Variants in SH2B2 observed in about 807,000 individuals in gnomAD.
The protein encoded by SH2B2 is SH2B adapter protein 2.
In SH2B2, 37 loss-of-function variants were observed where a neutral mutation model predicts 35.7. The observed-to-expected ratio is 1.04, with a 90% confidence interval of 0.80 to 1.36. The LOEUF is 1.36. Among genes scored for constraint, SH2B2 ranks in the 40% most tolerant of loss-of-function variants. SH2B2 has a pLI of 0.00. For missense variants in SH2B2, 852 were observed against 817.7 expected, an observed-to-expected ratio of 1.04 and a Z score of -0.51; for synonymous variants, 383 against 376.4, an observed-to-expected ratio of 1.02 and a Z score of -0.20.
intron 2 of SH2B2, among the ~76,000 whole-genome samples, chr7:102,302,234 C>A (rs956492961): frequency 8.5e-5 from 13 of 152,208 alleles, no homozygotes; most frequent in Admixed American, 7.2e-4. Context: ...GGGTGCCTGG[C>A]ACCTCCCAGA....
intron 2 of SH2B2, among the ~76,000 whole-genome samples, chr7:102,302,054 C>G (rs555956834): frequency 4.6e-5 from 7 of 152,350 alleles, no homozygotes; most frequent in Non-Finnish European, 8.8e-5. Flanking sequence ...AAGACGGGAT[C>G]TGACTATGTT....
At chr7:102,299,866 G>C (rs1430014427) in intron 1 of SH2B2, among the ~76,000 whole-genome samples, 4 of 152,204 alleles carry the variant, frequency 2.6e-5, no homozygotes, top group Non-Finnish European at 4.4e-5. Flanking sequence ...ACTATTTGGG[G>C]AGAGAATGAA....
intron 3 of SH2B2, among the ~76,000 whole-genome samples, chr7:102,308,581 A>G (rs1766062817): frequency 6.6e-6 from 1 of 152,208 alleles, no homozygotes; most frequent in African/African-American, 2.4e-5. Context: ...GGGGTGGGAC[A>G]TATCCCCAGT....
At chr7:102,285,369 T>G, upstream of SH2B2, 6 of 755,960 alleles carry the variant, frequency 7.9e-6, no homozygotes, top group African/African-American at 1.7e-5. Flanking sequence ...CTCCTCCCCC[T>G]TCCCGGCCTC....
chr7:102,303,238 T>G (rs1793264590), intron 2 of SH2B2, among the ~76,000 whole-genome samples: 1 of 149,242 alleles, frequency 6.7e-6, no homozygotes, highest in Non-Finnish European at 1.5e-5. Flanking sequence ...AAAAATCCGA[T>G]CTAATGATAC....
chr7:102,290,239 C>G (rs540322800), intron 1 of SH2B2, among the ~76,000 whole-genome samples: 21 of 52,380 alleles, frequency 4.0e-4, no homozygotes, highest in African/African-American at 1.6e-3. Flanking sequence ...CTCCATACCC[C>G]CCTTTTTTTT....
rs782191975 is a variant in SH2B2, at chr7:102,317,263, ACT to A, written c.1264_1265del (p.Leu422ValfsTer26). 2.5e-6 allele frequency: 4 copies of A among 1,613,668 alleles called. No individual in the cohort carries two copies. The highest frequency in any genetic ancestry group is 3.4e-6 in the Non-Finnish European group (4 of 1,179,728). On this transcript the variant is annotated frameshift_variant, in exon 7 of 9. Transcript: ENST00000444095. LOFTEE classifies it high-confidence loss of function. ...CCGACTACCCATGGTTCCACGGGAC[ACT>A]GTCCCGGGTCAAGGCTGCTCAACTG... Reference protein sequence around the residue: ...LSDYPWFHGTLSRVKAAQLVL... With the variant: ...LSDYPWFHGTXSRVKAAQLVL...
At chr7:102,316,064 G>C (rs1793818271) in intron 6 of SH2B2, among the ~76,000 whole-genome samples, 1 of 151,912 alleles carries the variant, frequency 6.6e-6, no homozygotes. Context: ...AGGATCGTTT[G>C]AGCCCAGGAC....
intron 7 of SH2B2, 68 bp downstream of exon 7, chr7:102,317,463 CGG>C: frequency 7.3e-7 from 1 of 1,375,466 alleles, no homozygotes; most frequent in Non-Finnish European, 9.7e-7. Context: ...ATGGTGACCC[CGG>C]TCCTGAGGCT....
intron 1 of SH2B2, among the ~76,000 whole-genome samples, chr7:102,291,074 T>C (rs562852578): frequency 6.6e-6 from 1 of 152,328 alleles, no homozygotes; most frequent in East Asian, 1.9e-4. Flanking sequence ...TCTCAGACTT[T>C]TAACACTGTC....
chr7:102,321,268 C>T, intron 8 of SH2B2, 31 bp from the exon 9 acceptor site: 5 of 1,347,906 alleles, frequency 3.7e-6, no homozygotes, highest in Non-Finnish European at 3.8e-6. Flanking sequence ...GCCCAGGTCC[C>T]CACTCACGCC....
chr7:102,311,864 G>A (rs538971460), intron 4 of SH2B2, among the ~76,000 whole-genome samples: 22 of 151,686 alleles, frequency 1.5e-4, no homozygotes, highest in African/African-American at 5.1e-4. Flanking sequence ...ATCACCTGAG[G>A]TCAGGAGTTC....
Position 102,301,064 on chromosome 7 carries a change from C to T in SH2B2, c.514C>T (p.Arg172Cys). 1 of 1,383,014 alleles carries T rather than the reference C, an allele frequency of 7.2e-7. No homozygotes were observed. 85.7% of individuals were successfully genotyped at this position (1,383,014 alleles called of 1,614,324 possible). Residue 172 changes from arginine (R) to cysteine (C), a missense_variant, in exon 2 of 9, where the codon CGC becomes TGC. By Grantham distance (180) the Arg-to-Cys change is radical. This residue lies in a region of SH2B2 where 294 missense variants were observed against 286.6 expected (regional missense o/e 1.03). Coordinates refer to ENST00000444095, the MANE Select transcript of SH2B2 (RefSeq NM_001359228.2). ...AAAAPRTAEPRDKWTRRLRLS... is the reference protein window; with the variant it reads ...AAAAPRTAEPCDKWTRRLRLS... Reference sequence around the variant, plus strand: ...AGCTGCCCCGCGCACCGCCGAGCCCCGCGACAAGTGGACGCGGCGCCTGAG... The same window carrying T: ...AGCTGCCCCGCGCACCGCCGAGCCCTGCGACAAGTGGACGCGGCGCCTGAG...
intron 6 of SH2B2, chr7:102,316,986 C>T: frequency 2.0e-6 from 1 of 505,778 alleles, no homozygotes; most frequent in Non-Finnish European, 3.5e-6. Context: ...TGCAGCATTG[C>T]ACTCCAGCCT....
intron 1 of SH2B2, among the ~76,000 whole-genome samples, chr7:102,288,222 A>T (rs1378636830): frequency 1.3e-5 from 2 of 151,502 alleles, no homozygotes; most frequent in African/African-American, 4.8e-5. Flanking sequence ...AACTCTCCCA[A>T]CCTCTTCCCT....
chr7:102,291,742 G>A (rs1792678850), intron 1 of SH2B2, among the ~76,000 whole-genome samples: 1 of 152,240 alleles, frequency 6.6e-6, no homozygotes, highest in Non-Finnish European at 1.5e-5. Flanking sequence ...GAGGTGAGCA[G>A]TAACACGGGC....
intron 1 of SH2B2, chr7:102,293,160 G>A (rs782016021): frequency 6.0e-4 from 93 of 154,488 alleles, no homozygotes; most frequent in Non-Finnish European, 1.1e-3. Flanking sequence ...CCGGCCCTGG[G>A]GTGCGGAATT....
At chr7:102,309,104 G>T in intron 4 of SH2B2, 198 bp downstream of exon 4, 1 of 678,978 alleles carries the variant, frequency 1.5e-6, no homozygotes, top group Non-Finnish European at 2.7e-6. Context: ...ACTCTGTGAG[G>T]CCTGCTCTAT....
intron 1 of SH2B2, among the ~76,000 whole-genome samples, chr7:102,295,100 C>T (rs1339620763): frequency 6.6e-6 from 1 of 152,204 alleles, no homozygotes; most frequent in African/African-American, 2.4e-5. Context: ...TCCCCCATCT[C>T]TGTGCCTTCT....
Sources: gnomAD v4.1 joint callset for allele counts (sites outside exome capture counted in the v4.1 genomes callset) on GRCh38, gnomAD v4.1.1 for gene constraint, gnomAD v4.1.1 regional missense constraint, MANE v1.5 for transcripts, NCBI Gene and HGNC (gene_info 2026-07-23, HGNC 2026-07-21) for gene names.